SMYD3: variants seen among roughly 807,000 people sequenced by gnomAD.
The protein encoded by SMYD3 is SET and MYND domain containing 3.
A neutral mutation model predicts 57.7 loss-of-function variants in SMYD3; 36 were observed. The ratio of observed to expected loss-of-function variants is 0.62; its 90% CI spans 0.48 to 0.82. The LOEUF is 0.82. Among genes scored for constraint, SMYD3 ranks in the 40% least tolerant of loss-of-function variants. The pLI is 0.00. For synonymous variants in SMYD3, 211 were observed against 195.0 expected, an observed-to-expected ratio of 1.08 and a Z score of -0.68; for missense variants, 515 against 538.8, an observed-to-expected ratio of 0.96 and a Z score of 0.44.
intron 5 of SMYD3, chr1:245,955,859 T>G: frequency 1.2e-6 from 1 of 821,240 alleles, no homozygotes; most frequent in Non-Finnish European, 1.4e-6. Flanking sequence ...CATTGATGAT[T>G]TTGCAATTTG....
intron 1 of SMYD3, among the ~76,000 whole-genome samples, chr1:246,431,567 T>A (rs1212831422): frequency 1.3e-5 from 2 of 151,998 alleles, no homozygotes; most frequent in African/African-American, 4.8e-5. Context: ...CTATCTCTAC[T>A]AAAAATACAA....
intron 5 of SMYD3, among the ~76,000 whole-genome samples, chr1:246,244,809 C>A (rs1459749011): frequency 6.6e-6 from 1 of 152,196 alleles, no homozygotes; most frequent in East Asian, 1.9e-4. Flanking sequence ...CTTTTACTAT[C>A]TGGCTACAGC....
intron 1 of SMYD3, among the ~76,000 whole-genome samples, chr1:246,410,600 G>C (rs946910197): frequency 6.6e-6 from 1 of 152,130 alleles, no homozygotes; most frequent in Non-Finnish European, 1.5e-5. Context: ...TTTTTGCATC[G>C]ATGTTCATCA....
intron 5 of SMYD3, among the ~76,000 whole-genome samples, chr1:246,041,619 T>C (rs1349535300): frequency 1.3e-5 from 2 of 152,136 alleles, no homozygotes; most frequent in Non-Finnish European, 2.9e-5. Context: ...CTCAGCAATG[T>C]TCATACTCTC....
intron 1 of SMYD3, among the ~76,000 whole-genome samples, chr1:246,459,918 C>CA (rs35958617): frequency 0.35 from 31,380 of 88,458 alleles, 5,097 homozygotes; most frequent in East Asian, 0.59. Flanking sequence ...TTCCGCCACC[C>CA]AAAAAAAAAA....
chr1:246,254,391 G>A (rs556423516), intron 5 of SMYD3, among the ~76,000 whole-genome samples: 1 of 152,270 alleles, frequency 6.6e-6, no homozygotes, highest in African/African-American at 2.4e-5. Flanking sequence ...TATTGACAGG[G>A]AGTCCTTTCC....
At chr1:245,953,636 A>C (rs1452798300) in intron 5 of SMYD3, among the ~76,000 whole-genome samples, 1 of 152,080 alleles carries the variant, frequency 6.6e-6, no homozygotes, top group Non-Finnish European at 1.5e-5. Context: ...GGCCAGGCTG[A>C]TCTTGAACTC....
At chr1:245,851,902 A>G (rs10754480) in intron 10 of SMYD3, among the ~76,000 whole-genome samples, 91,343 of 152,112 alleles carry the variant, frequency 0.6, 32,436 homozygotes, top group Non-Finnish European at 0.81. Context: ...CGGAAAGCAC[A>G]GGCTTTATGC....
intron 5 of SMYD3, among the ~76,000 whole-genome samples, chr1:246,059,260 T>TA (rs2060209326): frequency 6.6e-6 from 1 of 152,094 alleles, no homozygotes; most frequent in East Asian, 1.9e-4. Context: ...GGTCTGATGT[T>TA]ACAGCCAACT....
chr1:245,816,012 A>C (rs1000397859), intron 10 of SMYD3, among the ~76,000 whole-genome samples: 2 of 152,174 alleles, frequency 1.3e-5, no homozygotes, highest in African/African-American at 4.8e-5. Flanking sequence ...CATTCTTTCA[A>C]AAGAACAGTG....
chr1:246,396,621 T>C (rs185932462), intron 1 of SMYD3, among the ~76,000 whole-genome samples: 2 of 152,340 alleles, frequency 1.3e-5, no homozygotes, highest in East Asian at 3.9e-4. Flanking sequence ...CACCCAAATT[T>C]CAAGCTGAAT....
rs181635730 is a variant in SMYD3, at chr1:246,414,928, G to A, written c.165-59834C>T. On this transcript the variant is annotated intron_variant, in intron 1 of 11. Coordinates refer to ENST00000490107, the MANE Select transcript of SMYD3 (RefSeq NM_001167740.2). ...GACGACGTTTCACCATGTTGGCCAG[G>A]CCAGTCTCGAACTCCTGACCTCAGG... is the stretch of plus-strand genomic sequence containing the variant. Among the ~76,000 whole-genome samples, 21 of 152,086 alleles carry A rather than the reference G, an allele frequency of 1.4e-4. No individual in the cohort carries two copies. The East Asian group carries it at 4.1e-3, about 29-fold the overall frequency.
chr1:246,474,735 G>A (rs1296020122), intron 1 of SMYD3, among the ~76,000 whole-genome samples: 6 of 152,098 alleles, frequency 3.9e-5, no homozygotes, highest in African/African-American at 1.4e-4. Context: ...GAAAAGGGGA[G>A]ACAGGAGACA....
At chr1:245,833,073 A>AAAAAAAAAAAAAAAAAAAACAAC in intron 10 of SMYD3, among the ~76,000 whole-genome samples, 1 of 128,652 alleles carries the variant, frequency 7.8e-6, no homozygotes, top group African/African-American at 3.0e-5. Flanking sequence ...AAAAAAAAAA[A>AAAAAAAAAAAAAAAAAAAACAAC]AACCTGCTTT....
intron 5 of SMYD3, among the ~76,000 whole-genome samples, chr1:246,192,736 A>G (rs1191187139): frequency 6.6e-6 from 1 of 152,240 alleles, no homozygotes; most frequent in African/African-American, 2.4e-5. Flanking sequence ...TTCTTTAAAG[A>G]GTAAATATGA....
intron 1 of SMYD3, among the ~76,000 whole-genome samples, chr1:246,372,059 C>T (rs1279054090): frequency 2.6e-5 from 4 of 152,216 alleles, no homozygotes; most frequent in African/African-American, 9.6e-5. Context: ...GAAAGACTAG[C>T]ATGCTGCCTA....
Position 246,053,063 on chromosome 1 carries a change from T to G in SMYD3, c.532-123126A>C, listed in dbSNP as rs551403202. On this transcript the variant is annotated intron_variant, in intron 5 of 11. Transcript: ENST00000490107. ...ACCAGTCTGGGCAACATGGCAAGAC[T>G]CCATCTCTAAAAAATAAAAATAATA... The G allele has an allele frequency of 2.0e-4, 31 of 152,320 alleles. No individual in the cohort carries two copies. The East Asian group carries it at 6.0e-3, about 29-fold the overall frequency. 9.4% of individuals were successfully genotyped at this position (152,320 alleles called of 1,614,324 possible). A position where few individuals can be genotyped will look rare whatever the true frequency, so the allele number is the denominator to read the frequency against.
intron 1 of SMYD3, among the ~76,000 whole-genome samples, chr1:246,468,421 G>A (rs1274461823): frequency 2.6e-5 from 4 of 151,922 alleles, no homozygotes; most frequent in South Asian, 2.1e-4. Context: ...CGGGCAAATC[G>A]CTTGGGCTCA....
At chr1:246,260,893 A>C (rs902445475) in intron 5 of SMYD3, among the ~76,000 whole-genome samples, 6 of 152,192 alleles carry the variant, frequency 3.9e-5, no homozygotes, top group Non-Finnish European at 2.9e-5. Flanking sequence ...GAGAAAAAAT[A>C]AAGGAAACAG....
Sources: allele counts gnomAD v4.1 joint callset (sites outside exome capture counted in the v4.1 genomes callset), GRCh38; gene constraint gnomAD v4.1.1; transcripts MANE v1.5; gene names NCBI Gene and HGNC (gene_info 2026-07-23, HGNC 2026-07-21).